Variants in ABCC5 observed in about 807,000 individuals in gnomAD.
The protein encoded by ABCC5 is ATP-binding cassette sub-family C member 5.
A neutral mutation model predicts 160.9 loss-of-function variants in ABCC5; 61 were observed. The observed-to-expected ratio is 0.38, with a 90% confidence interval of 0.31 to 0.47. The LOEUF (loss-of-function observed/expected upper bound fraction) is 0.47. Ranked by LOEUF, ABCC5 falls within the 20% of genes least tolerant of loss-of-function variation. ABCC5 has a pLI of 0.99. For missense variants in ABCC5, 1,308 were observed against 1,813.3 expected (o/e 0.72, Z 5.06); for synonymous variants, 666 against 700.6 (o/e 0.95, Z 0.78).
At position 183,951,597 on chromosome 3, in the gene ABCC5, G is replaced by A. The variant is rs1332939974; in HGVS notation, c.2815-27C>T. The A allele has an allele frequency of 6.2e-7, 1 of 1,612,456 alleles. No homozygotes were observed. Among genetic ancestry groups the A allele is most frequent in the Non-Finnish European group, 8.5e-7 (1 of 1,179,378 alleles). On this transcript the variant is annotated intron_variant, in intron 19 of 29. Coordinates refer to ENST00000334444, the MANE Select transcript of ABCC5 (RefSeq NM_005688.4). The surrounding 1 kb of genome is among the most constrained non-coding windows in gnomAD (Gnocchi z 4.7). Reference sequence around the variant, plus strand: ...TGAGGAGCAGAGCACAGAGTGGTCAGGGCCCAGGGACGGCTCTGTTCCTAC... The same window carrying A: ...TGAGGAGCAGAGCACAGAGTGGTCAAGGCCCAGGGACGGCTCTGTTCCTAC...
rs1309204766 is a variant in ABCC5, at chr3:184,017,854, G to T, written c.-80C>A. 1 of 152,610 alleles carries T rather than the reference G, an allele frequency of 6.6e-6. No individual in the cohort carries two copies. Among genetic ancestry groups the T allele is most frequent in the African/African-American group, 2.4e-5 (1 of 41,480 alleles). 9.5% of individuals were successfully genotyped at this position (152,610 alleles called of 1,614,324 possible). A position where few individuals can be genotyped will look rare whatever the true frequency, so the allele number is the denominator to read the frequency against. ...CCTGCGCCCCTGCTCCAGGACAACCGCGCCAGCCGCTCAACCACGCTCCCG... is the reference window on the plus strand; with the variant it reads ...CCTGCGCCCCTGCTCCAGGACAACCTCGCCAGCCGCTCAACCACGCTCCCG... On this transcript the variant is annotated 5_prime_UTR_variant, in exon 1 of 30. Coordinates refer to ENST00000334444, the MANE Select transcript of ABCC5 (RefSeq NM_005688.4). The surrounding 1 kb of genome is among the most constrained non-coding windows in gnomAD (Gnocchi z 4.5).
intron 11 of ABCC5, among the ~76,000 whole-genome samples, chr3:183,969,771 G>C (rs1045789866): frequency 1.3e-5 from 2 of 151,866 alleles, no homozygotes; most frequent in African/African-American, 4.8e-5. Context: ...AGTTTCAAGT[G>C]GTGTCACTAA....
At chr3:183,977,672 C>A in intron 9 of ABCC5, 48 bp from the exon 10 acceptor site, 1 of 1,308,416 alleles carries the variant, frequency 7.6e-7, no homozygotes, top group Non-Finnish European at 1.1e-6. Flanking sequence ...TGCTATGCAA[C>A]TGAAGTAACC....
At chr3:183,938,362 G>A (rs901341052) in intron 25 of ABCC5, among the ~76,000 whole-genome samples, 10 of 151,968 alleles carry the variant, frequency 6.6e-5, no homozygotes, top group East Asian at 1.9e-4. Context: ...GCGGTGGTGC[G>A]ATCTCGGCTC....
At chr3:183,944,700 C>A (rs1350559243) in intron 24 of ABCC5, among the ~76,000 whole-genome samples, 1 of 152,208 alleles carries the variant, frequency 6.6e-6, no homozygotes. Flanking sequence ...ACAAATTCGT[C>A]AACTTTCTTA....
In ABCC5 at chr3:183,927,314, C is replaced by G; in HGVS notation, c.4047+16G>C. On this transcript the variant is annotated intron_variant, in intron 28 of 29. Transcript: ENST00000334444. ...CATTCCCATTCTCTGCTGCTGCCAACCCCAAACTGCCTTACCTTACAGTGG... is the reference window on the plus strand; with the variant it reads ...CATTCCCATTCTCTGCTGCTGCCAAGCCCAAACTGCCTTACCTTACAGTGG... The G allele has an allele frequency of 1.2e-6, 2 of 1,611,370 alleles. No individual in the cohort carries two copies. Among genetic ancestry groups the G allele is most frequent in the Non-Finnish European group, 8.5e-7 (1 of 1,178,512 alleles).
At chr3:184,015,917 T>C (rs1003659795) in intron 1 of ABCC5, among the ~76,000 whole-genome samples, 3 of 152,200 alleles carry the variant, frequency 2.0e-5, no homozygotes, top group African/African-American at 7.2e-5. Context: ...TTCCCTAGCT[T>C]AGCTGATTAT....
intron 26 of ABCC5, among the ~76,000 whole-genome samples, chr3:183,936,635 G>A (rs1011695267): frequency 2.0e-5 from 3 of 151,992 alleles, no homozygotes; most frequent in Non-Finnish European, 2.9e-5. Flanking sequence ...AGCCTCCCAA[G>A]TAGCTGGGAC....
chr3:184,011,009 T>C (rs961225251), intron 2 of ABCC5, among the ~76,000 whole-genome samples: 1 of 152,110 alleles, frequency 6.6e-6, no homozygotes, highest in African/African-American at 2.4e-5. Flanking sequence ...CCCAAAGTGC[T>C]AGGATTACGG....
chr3:183,922,126 C>A (rs1712055959), intron 29 of ABCC5, among the ~76,000 whole-genome samples: 1 of 151,916 alleles, frequency 6.6e-6, no homozygotes, highest in Non-Finnish European at 1.5e-5. Flanking sequence ...AATCCCAGCA[C>A]TTTGGGAGGT....
intron 5 of ABCC5, 133 bp from the exon 6 acceptor site, chr3:183,983,140 A>G (rs2313212): frequency 0.58 from 450,918 of 773,806 alleles, 134,717 homozygotes; most frequent in East Asian, 0.85. Flanking sequence ...AAACTTTGGA[A>G]GACCCAATTA....
chr3:183,926,467 G>A (rs1435907617), intron 28 of ABCC5, among the ~76,000 whole-genome samples: 5 of 151,062 alleles, frequency 3.3e-5, no homozygotes, highest in Admixed American at 1.3e-4. Context: ...AGAGAATCGC[G>A]CGAATCCAGG....
intron 29 of ABCC5, among the ~76,000 whole-genome samples, chr3:183,922,491 C>T (rs1000167561): frequency 6.6e-6 from 1 of 152,188 alleles, no homozygotes; most frequent in South Asian, 2.1e-4. Context: ...GCTGATCTAA[C>T]CTTATAGAGG....
At chr3:183,960,744 A>G (rs948662434) in intron 16 of ABCC5, among the ~76,000 whole-genome samples, 2 of 152,028 alleles carry the variant, frequency 1.3e-5, no homozygotes, top group African/African-American at 2.4e-5. Context: ...TCTACCTGAG[A>G]TAACAGAAAC....
At chr3:183,968,361 C>T (rs927579962) in intron 11 of ABCC5, among the ~76,000 whole-genome samples, 9 of 152,070 alleles carry the variant, frequency 5.9e-5, no homozygotes, top group Non-Finnish European at 1.2e-4. Flanking sequence ...CCACCCACCT[C>T]GGCCTCCCAA....
chr3:183,994,853 ATGT>A (rs1339275156), intron 2 of ABCC5, among the ~76,000 whole-genome samples: 32 of 122,862 alleles, frequency 2.6e-4, no homozygotes, highest in Non-Finnish European at 2.5e-4. Flanking sequence ...CCCATTTTCT[ATGT>A]TTTTTTTTTT....
intron 11 of ABCC5, among the ~76,000 whole-genome samples, chr3:183,968,129 T>TATC (rs58336773): frequency 0.11 from 16,899 of 152,032 alleles, 1,220 homozygotes; most frequent in East Asian, 0.34. Context: ...ATCATTTTAT[T>TATC]ATTATTATTA....
At chr3:184,004,395 A>G (rs1176728955) in intron 2 of ABCC5, among the ~76,000 whole-genome samples, 1 of 150,758 alleles carries the variant, frequency 6.6e-6, no homozygotes, top group African/African-American at 2.4e-5. Context: ...CTGTAATCCC[A>G]GGTACTTGGG....
At chr3:183,926,449 C>T (rs572709343) in intron 28 of ABCC5, among the ~76,000 whole-genome samples, 125 of 151,762 alleles carry the variant, frequency 8.2e-4, no homozygotes, top group African/African-American at 2.7e-3. Flanking sequence ...ACTCGGGAGG[C>T]GGAGGCAAGA....
Sources: gnomAD v4.1 joint callset for allele counts (sites outside exome capture counted in the v4.1 genomes callset) on GRCh38, gnomAD v4.1.1 for gene constraint, Gnocchi (gnomAD v3.1) non-coding constraint, MANE v1.5 for transcripts, NCBI Gene and HGNC (gene_info 2026-07-23, HGNC 2026-07-21) for gene names.